HIF3A: variants seen among roughly 807,000 people sequenced by gnomAD.
HIF3A encodes the protein hypoxia-inducible factor 3-alpha.
Under a neutral mutation model 67.2 loss-of-function variants are expected in HIF3A, and 41 were observed. The ratio of observed to expected loss-of-function variants is 0.61; its 90% CI spans 0.48 to 0.79. The LOEUF (loss-of-function observed/expected upper bound fraction) is 0.79. Among genes scored for constraint, HIF3A ranks in the 30% least tolerant of loss-of-function variants. HIF3A has a pLI of 0.00. For missense variants in HIF3A, 855 were observed against 898.0 expected (o/e 0.95, Z 0.61); for synonymous variants, 356 against 374.8 (o/e 0.95, Z 0.58).
chr19:46,299,678 C>T (rs1253356799), intron 1 of HIF3A, among the ~76,000 whole-genome samples: 1 of 138,784 alleles, frequency 7.2e-6, no homozygotes, highest in Non-Finnish European at 1.5e-5. Context: ...CCACTGCACT[C>T]CAGCCTGGAC....
chr19:46,316,416 T>C (rs957048265), intron 8 of HIF3A, among the ~76,000 whole-genome samples: 15 of 150,056 alleles, frequency 1.0e-4, no homozygotes, highest in Non-Finnish European at 1.9e-4. Context: ...AAAATCACGA[T>C]GGGGCTTTTT....
At chr19:46,331,825 A>G (rs922881972) in intron 13 of HIF3A, among the ~76,000 whole-genome samples, 1 of 147,532 alleles carries the variant, frequency 6.8e-6, no homozygotes, top group African/African-American at 2.5e-5. Context: ...ACTGCAGTCC[A>G]GTCTAGGCAA....
intron 8 of HIF3A, chr19:46,313,301 TAAG>T: frequency 2.0e-6 from 2 of 981,332 alleles, no homozygotes; most frequent in Non-Finnish European, 1.2e-6. Flanking sequence ...CAAGTTAAAA[TAAG>T]AAGTGTAACA....
At position 46,312,882 on chromosome 19, in the gene HIF3A, A is replaced by ATTTTTTTT. The variant is rs531816670; in HGVS notation, c.1025+251_1025+258dup. 954 of 875,486 alleles carry ATTTTTTTT rather than the reference A, an allele frequency of 1.1e-3. 9 individuals carry two copies. Among genetic ancestry groups the ATTTTTTTT allele is most frequent in the Non-Finnish European group, 1.1e-3 (838 of 764,098 alleles). 54.2% of individuals were successfully genotyped at this position (875,486 alleles called of 1,614,324 possible). A position where few individuals can be genotyped will look rare whatever the true frequency, so the allele number is the denominator to read the frequency against. ...ATGTGTATGGGTGTGTAGACTGTTA[A>ATTTTTTTT]TTTTTTTTTTTTTTTTTTTTTTTTT... On this transcript the variant is annotated intron_variant, in intron 8 of 14. Coordinates refer to ENST00000377670, the MANE Select transcript of HIF3A (RefSeq NM_152795.4).
At chr19:46,316,633 T>C (rs1969934486) in intron 8 of HIF3A, among the ~76,000 whole-genome samples, 1 of 151,994 alleles carries the variant, frequency 6.6e-6, no homozygotes, top group Non-Finnish European at 1.5e-5. Flanking sequence ...TGAAACCCCG[T>C]CTTTACTAAA....
At chr19:46,323,043 GT>G (rs34759440) in intron 10 of HIF3A, among the ~76,000 whole-genome samples, 108,566 of 147,488 alleles carry the variant, frequency 0.74, 40,366 homozygotes, top group African/African-American at 0.81. Context: ...GGGGACAGTG[GT>G]TTTTTTTTTG....
intron 9 of HIF3A, 109 bp downstream of exon 9, chr19:46,320,670 T>A: frequency 1.3e-6 from 1 of 759,242 alleles, no homozygotes; most frequent in Non-Finnish European, 2.2e-6. Flanking sequence ...GCCTCCTGCC[T>A]CCCTTCCCTG....
At chr19:46,331,701 C>G (rs1264677065) in intron 13 of HIF3A, among the ~76,000 whole-genome samples, 1 of 150,870 alleles carries the variant, frequency 6.6e-6, no homozygotes, top group Non-Finnish European at 1.5e-5. Flanking sequence ...ACTAAAAATA[C>G]AAAATTAGCC....
intron 2 of HIF3A, among the ~76,000 whole-genome samples, chr19:46,304,710 T>G (rs73059747): frequency 0.016 from 2,500 of 152,252 alleles, 46 homozygotes; most frequent in East Asian, 0.061. Flanking sequence ...GTAGCGTTAT[T>G]CTCTGGGAGG....
chr19:46,339,599 G>T lies in HIF3A; in HGVS notation c.1987G>T (p.Ala663Ser), dbSNP rs779344642. The change falls in exon 15 of 15, where the codon GCA (alanine) becomes TCA (serine). Residue 663 changes from alanine (A) to serine (S), a missense_variant. Ala to Ser is a moderately conservative substitution (Grantham distance 99). This residue lies in a region of HIF3A where 199 missense variants were observed against 193.8 expected (regional missense o/e 1.03). Transcript: ENST00000377670. The stretch of plus-strand genomic sequence containing the variant: ...GCCCGGGGGCCCCTTCCAGCCAAGG[G>T]CAGGCTCAGCCCAGGCTGACTGAGC... ...TQPGGPFQPR[A>S]GSAQAD is the part of the protein sequence containing the mutation. 2 of 1,607,602 alleles carry T rather than the reference G, an allele frequency of 1.2e-6. No homozygotes were observed. Among genetic ancestry groups the T allele is most frequent in the Admixed American group, 3.4e-5 (2 of 59,536 alleles).
At chr19:46,324,985 T>TGTGTGTGTGTGTG (rs1555785451) in intron 10 of HIF3A, among the ~76,000 whole-genome samples, 1 of 127,916 alleles carries the variant, frequency 7.8e-6, no homozygotes, top group Non-Finnish European at 1.6e-5. Context: ...CACACATATA[T>TGTGTGTGTGTGTG]TGTGTGTGTG....
At chr19:46,302,039 A>G (rs1277532259) in intron 1 of HIF3A, among the ~76,000 whole-genome samples, 1 of 152,060 alleles carries the variant, frequency 6.6e-6, no homozygotes, top group Middle Eastern at 3.2e-3. Flanking sequence ...ACTACACTAG[A>G]TTATATATAC....
At chr19:46,312,980 T>G in intron 8 of HIF3A, 4 of 1,004,290 alleles carry the variant, frequency 4.0e-6, no homozygotes, top group Non-Finnish European at 4.7e-6. Context: ...CCTGGCATGG[T>G]GGCTCATGCC....
chr19:46,309,425 T>C (rs4803926), intron 6 of HIF3A, 66 bp downstream of exon 6: 821,505 of 898,828 alleles, frequency 0.91, 375,974 homozygotes, highest in Non-Finnish European at 0.93. Context: ...ACCTCCACAC[T>C]CCCGCATTTC....
Position 46,329,393 on chromosome 19 carries a change from TG to T in HIF3A, c.1632del (p.Ser545ValfsTer5). ...PALEPSLLPR[W>X]GSDPRLSCSS... ...CCTTGAGCCCTCCCTGCTACCCCGC[TG>T]GGGGAGTGACCCCCGGCTGAGCTGC... On this transcript the variant is annotated frameshift_variant, in exon 12 of 15. Transcript: ENST00000377670. LOFTEE classifies it high-confidence loss of function. 6.2e-7 allele frequency: 1 copy of T among 1,609,222 alleles called. No homozygotes were observed. The highest frequency in any genetic ancestry group is 8.5e-7 in the Non-Finnish European group (1 of 1,177,300).
intron 13 of HIF3A, among the ~76,000 whole-genome samples, chr19:46,331,855 C>CAAAAAAA (rs532285027): frequency 1.9e-3 from 97 of 51,154 alleles, no homozygotes; most frequent in South Asian, 7.3e-3. Context: ...AACTCCGTCT[C>CAAAAAAA]AAAAAAAAAA....
At chr19:46,318,901 G>A (rs1454716733) in intron 8 of HIF3A, among the ~76,000 whole-genome samples, 3 of 152,146 alleles carry the variant, frequency 2.0e-5, no homozygotes, top group South Asian at 2.1e-4. Flanking sequence ...GATTACAGGT[G>A]TGAGCCACCG....
At chr19:46,327,234 A>G (rs796326219) in intron 11 of HIF3A, among the ~76,000 whole-genome samples, 2 of 152,012 alleles carry the variant, frequency 1.3e-5, no homozygotes, top group African/African-American at 4.8e-5. Context: ...TCAACCTCCC[A>G]AAGTGCTGGG....
intron 10 of HIF3A, among the ~76,000 whole-genome samples, chr19:46,323,392 G>T (rs139795449): frequency 0.02 from 3,054 of 152,214 alleles, 61 homozygotes; most frequent in Middle Eastern, 0.037. Flanking sequence ...GGCAGGGGAA[G>T]ATTAGAGACC....
Sources: allele counts gnomAD v4.1 joint callset (sites outside exome capture counted in the v4.1 genomes callset), GRCh38; gene constraint gnomAD v4.1.1; regional missense constraint gnomAD v4.1.1; transcripts MANE v1.5; gene names NCBI Gene and HGNC (gene_info 2026-07-23, HGNC 2026-07-21).